CRACDL: variants seen among roughly 807,000 people sequenced by gnomAD.
CRACDL encodes the protein CRACD like.
In CRACDL, 26 loss-of-function variants were observed where a neutral mutation model predicts 70.6. That is an observed-to-expected ratio of 0.37 (90% CI 0.27 to 0.51). The LOEUF (loss-of-function observed/expected upper bound fraction) is 0.51. CRACDL is among the 20% of genes least tolerant of loss of function. The pLI, the probability that CRACDL is intolerant of heterozygous loss-of-function variation, is 0.94. For synonymous variants in CRACDL, 618 were observed against 615.2 expected (o/e 1.00, Z -0.07); for missense variants, 1,283 against 1,376.9 (o/e 0.93, Z 1.08).
At chr2:98,860,227 T>A (rs543855172) in intron 1 of CRACDL, among the ~76,000 whole-genome samples, 1 of 152,226 alleles carries the variant, frequency 6.6e-6, no homozygotes, top group African/African-American at 2.4e-5. Context: ...TTCCCCAAAC[T>A]GATTTACAGA....
intron 3 of CRACDL, 132 bp from the exon 4 acceptor site, chr2:98,833,129 A>G: frequency 2.4e-6 from 2 of 831,806 alleles, no homozygotes; most frequent in Non-Finnish European, 1.9e-6. Context: ...TTTACATTTC[A>G]GTGGTCCCTG....
chr2:98,816,332 C>A (rs1207015217), intron 7 of CRACDL, among the ~76,000 whole-genome samples: 2 of 152,074 alleles, frequency 1.3e-5, no homozygotes, highest in African/African-American at 4.8e-5. Context: ...AACAGCAAGT[C>A]CCTTTTTATG....
intron 1 of CRACDL, among the ~76,000 whole-genome samples, chr2:98,904,937 C>T (rs1708369084): frequency 6.6e-6 from 1 of 152,008 alleles, no homozygotes; most frequent in Non-Finnish European, 1.5e-5. Flanking sequence ...TGAGTTCATC[C>T]TAGATCTGGC....
chr2:98,822,105 G>C lies in CRACDL; in HGVS notation c.2168C>G (p.Pro723Arg). 6.4e-7 allele frequency: 1 copy of C among 1,573,812 alleles called. No individual in the cohort carries two copies. Among genetic ancestry groups the C allele is most frequent in the Non-Finnish European group, 8.6e-7 (1 of 1,159,584 alleles). ...CCCGAGGGGACACTTCTCCTCCTTCGGGAGCACGGTCAGCGACCTTTCTAA... is the reference window on the plus strand; with the variant it reads ...CCCGAGGGGACACTTCTCCTCCTTCCGGAGCACGGTCAGCGACCTTTCTAA... ...VRLERSLTVL[P>R]KEEKCPLGTA... Residue 723 changes from proline (P) to arginine (R), a missense_variant, in exon 7 of 10, where the codon CCG becomes CGG. Physicochemically the swap from Pro to Arg is moderately radical, Grantham distance 103. Coordinates refer to ENST00000397899, the MANE Select transcript of CRACDL (RefSeq NM_207362.3). This position sits in a 1 kb window ranked among gnomAD's most constrained non-coding sequence, Gnocchi z 4.9.
At chr2:98,834,914 T>G (rs1705706148) in intron 3 of CRACDL, among the ~76,000 whole-genome samples, 1 of 152,272 alleles carries the variant, frequency 6.6e-6, no homozygotes, top group South Asian at 2.1e-4. Context: ...ACTAATCTTA[T>G]TAGTAGTAAT....
chr2:98,916,916 A>G (rs1708680547), intron 1 of CRACDL, among the ~76,000 whole-genome samples: 1 of 152,186 alleles, frequency 6.6e-6, no homozygotes, highest in Non-Finnish European at 1.5e-5. Flanking sequence ...CCTTTGCTAA[A>G]CTGAGCCTAA....
intron 1 of CRACDL, among the ~76,000 whole-genome samples, chr2:98,861,262 G>A (rs967357142): frequency 6.6e-5 from 10 of 152,072 alleles, no homozygotes; most frequent in Non-Finnish European, 8.8e-5. Context: ...AAGGAGAATC[G>A]CTTGAACCTG....
intron 1 of CRACDL, among the ~76,000 whole-genome samples, chr2:98,878,666 G>C (rs1023460874): frequency 6.6e-6 from 1 of 152,192 alleles, no homozygotes; most frequent in Admixed American, 6.5e-5. Flanking sequence ...ATATGAAACA[G>C]GTACAGGAGC....
chr2:98,840,257 G>A (rs753675328), intron 2 of CRACDL, among the ~76,000 whole-genome samples: 4 of 151,932 alleles, frequency 2.6e-5, no homozygotes, highest in Non-Finnish European at 5.9e-5. Context: ...TACCTTCTTA[G>A]ACTTACGGGT....
chr2:98,871,080 A>G (rs1249560429), intron 1 of CRACDL, among the ~76,000 whole-genome samples: 1 of 152,136 alleles, frequency 6.6e-6, no homozygotes, highest in Non-Finnish European at 1.5e-5. Context: ...CGGTGCACAC[A>G]TGTTACCTCT....
chr2:98,919,048 G>T (rs1353074673), intron 1 of CRACDL, among the ~76,000 whole-genome samples: 1 of 152,124 alleles, frequency 6.6e-6, no homozygotes, highest in Non-Finnish European at 1.5e-5. Context: ...TTCTTCTAGT[G>T]TTTTTACAGT....
chr2:98,802,998 C>CTTTTT (rs34784675), intron 7 of CRACDL, among the ~76,000 whole-genome samples: 4 of 128,240 alleles, frequency 3.1e-5, no homozygotes, highest in African/African-American at 5.9e-5. Context: ...ACATGCCTGG[C>CTTTTT]TTTTTTTTTT....
At chr2:98,916,583 A>G (rs932419989) in intron 1 of CRACDL, among the ~76,000 whole-genome samples, 2 of 152,204 alleles carry the variant, frequency 1.3e-5, no homozygotes, top group Non-Finnish European at 2.9e-5. Context: ...CTAACCAGAA[A>G]TCTCATTTTT....
intron 2 of CRACDL, among the ~76,000 whole-genome samples, chr2:98,844,418 T>C (rs996709518): frequency 6.6e-6 from 1 of 152,316 alleles, no homozygotes. Flanking sequence ...GTTTCTCTTG[T>C]CTGCCTTCAT....
At position 98,794,385 on chromosome 2, in the gene CRACDL, T is replaced by G; in HGVS notation, c.*147A>C. ...GTGTGTTTATCCTCTTTGTTTTGCC[T>G]GGTTCCTTCCTCTTCCCCAAGTTCG... On this transcript the variant is annotated 3_prime_UTR_variant, in exon 10 of 10. Coordinates refer to ENST00000397899, the MANE Select transcript of CRACDL (RefSeq NM_207362.3). The G allele has an allele frequency of 2.8e-6, 2 of 704,478 alleles. No homozygotes were observed. Among genetic ancestry groups the G allele is most frequent in the Non-Finnish European group, 4.7e-6 (2 of 422,080 alleles). 43.6% of individuals were successfully genotyped at this position (704,478 alleles called of 1,614,324 possible). A position where few individuals can be genotyped will look rare whatever the true frequency, so the allele number is the denominator to read the frequency against.
intron 1 of CRACDL, among the ~76,000 whole-genome samples, chr2:98,873,622 A>G (rs1294416302): frequency 6.6e-6 from 1 of 152,232 alleles, no homozygotes; most frequent in Non-Finnish European, 1.5e-5. Context: ...CCGCCCCTCT[A>G]AGAGGAACCC....
At chr2:98,863,314 A>G (rs1030426368) in intron 1 of CRACDL, among the ~76,000 whole-genome samples, 1 of 152,222 alleles carries the variant, frequency 6.6e-6, no homozygotes, top group African/African-American at 2.4e-5. Context: ...ATCCTTGAAA[A>G]GTGAGGGAGA....
chr2:98,836,925 AC>A, intron 3 of CRACDL, among the ~76,000 whole-genome samples: 1 of 152,212 alleles, frequency 6.6e-6, no homozygotes, highest in East Asian at 1.9e-4. Context: ...TGCTGAAAAT[AC>A]AAAAAAAATT....
At chr2:98,929,311 G>A (rs1485234075) in intron 1 of CRACDL, among the ~76,000 whole-genome samples, 1 of 152,198 alleles carries the variant, frequency 6.6e-6, no homozygotes, top group East Asian at 1.9e-4. Flanking sequence ...CACGGTCTGG[G>A]CCGATGCCCT....
Sources: gnomAD v4.1 joint callset for allele counts (sites outside exome capture counted in the v4.1 genomes callset) on GRCh38, gnomAD v4.1.1 for gene constraint, Gnocchi (gnomAD v3.1) non-coding constraint, MANE v1.5 for transcripts, NCBI Gene and HGNC (gene_info 2026-07-23, HGNC 2026-07-21) for gene names.